The following PLCH2 variants were observed in gnomAD, a reference collection of about 807,000 sequenced individuals.
PLCH2 encodes the protein 1-phosphatidylinositol 4,5-bisphosphate phosphodiesterase eta-2.
PLCH2 carries 98 observed loss-of-function variants against 134.7 expected under a neutral mutation model. That is an observed-to-expected ratio of 0.73 (90% CI 0.62 to 0.86). PLCH2 has a LOEUF of 0.86. Among genes scored for constraint, PLCH2 ranks in the 40% least tolerant of loss-of-function variants. The probability of loss-of-function intolerance (pLI) is 0.00; values close to 1 mark genes in which losing one functional copy is unlikely to be tolerated. For missense variants in PLCH2, 1,994 were observed against 1,986.6 expected (o/e 1.00, Z -0.07); for synonymous variants, 974 against 827.5 (o/e 1.18, Z -3.04).
the PLCH2 span, among the ~76,000 whole-genome samples, chr1:2,417,812 C>T: frequency 6.6e-6 from 1 of 152,324 alleles, no homozygotes; most frequent in South Asian, 2.1e-4. Flanking sequence ...GGGGCTACAG[C>T]CTCTGCGCTG....
chr1:2,463,651 C>G (rs1043574628), upstream of PLCH2, among the ~76,000 whole-genome samples: 3 of 152,206 alleles, frequency 2.0e-5, no homozygotes, highest in Non-Finnish European at 2.9e-5. Context: ...GGTCAGAGCC[C>G]GCGACCCGAG....
At position 2,483,812 on chromosome 1, in the gene PLCH2, GGT is replaced by G. The variant is rs1345702389; in HGVS notation, c.646-634_646-633del. On this transcript the variant is annotated intron_variant, in intron 4 of 21. Transcript: ENST00000378486. ...GGGGGGGCGCTGACCCCCGTGTGGGGGTGGCGCTGACCCCCGTGTGGGGGTGG... is the reference window on the plus strand; with the variant it reads ...GGGGGGGCGCTGACCCCCGTGTGGGGGGCGCTGACCCCCGTGTGGGGGTGG... Among the ~76,000 whole-genome samples, 12 of 120,186 alleles carry G rather than the reference GGT, an allele frequency of 1.0e-4. 2 individuals are homozygous for G. The highest frequency in any genetic ancestry group is 4.3e-4 in the African/African-American group (12 of 27,996). The allele number at this position is 120,186 out of a possible 152,430, so 78.8% of individuals were successfully genotyped here.
rs1201172301 is a variant in PLCH2, at chr1:2,436,524, CCTTTCCT to C, written c.115+5897_115+5903del. Among the ~76,000 whole-genome samples the C allele has an allele frequency of 4.1e-3, 248 of 61,016 alleles. 25 individuals are homozygous for C. The highest frequency in any genetic ancestry group is 4.5e-3 in the Non-Finnish European group (164 of 36,670). The allele number at this position is 61,016 out of a possible 152,430, so 40.0% of individuals were successfully genotyped here. A position where few individuals can be genotyped will look rare whatever the true frequency, so the allele number is the denominator to read the frequency against. ...CCTCCTTTCCTCCTTCCTCCCTCCT[CCTTTCCT>C]CCTTCCTCCCTCCTCCCTTCCTCCC... On this transcript the variant is annotated intron_variant, in intron 2 of 3. Transcript: ENST00000609981.
chr1:2,495,475 GC>G lies in PLCH2; in HGVS notation c.1753-7del, dbSNP rs761446096. 9 of 1,550,354 alleles carry G rather than the reference GC, an allele frequency of 5.8e-6. No individual in the cohort carries two copies. In the African/African-American group the frequency reaches 9.6e-5, roughly 17 times the overall value. ...CAGAGGCCCTACAGCTCACACCTCT[GC>G]CCCCCGCACAGAAGAAGGGCAGCAA... On this transcript the variant is annotated splice_polypyrimidine_tract_variant and intron_variant, in intron 12 of 21. Coordinates refer to ENST00000378486, the MANE Select transcript of PLCH2 (RefSeq NM_014638.4).
chr1:2,440,379 C>G (rs1439399206), intron 2 of PLCH2, among the ~76,000 whole-genome samples: 1 of 151,032 alleles, frequency 6.6e-6, no homozygotes. Context: ...CACAGTCTGC[C>G]GTGAGAGGAG....
rs1235786484 is a variant in PLCH2, at chr1:2,495,541, T to C, written c.1806T>C (p.Gly602=). ...KAASVEEGDE[G]QDSPGGQSRG... is the part of the protein sequence containing the mutation. The stretch of plus-strand genomic sequence containing the variant: ...CCAGCGTGGAGGAGGGAGATGAGGG[T>C]CAGGACTCCCCGGGAGGCCAGAGCC... The change falls in exon 13 of 22, where the codon GGT becomes GGC. Residue 602 remains glycine, a synonymous_variant. Transcript: ENST00000378486. The C allele has an allele frequency of 6.4e-7, 1 of 1,550,970 alleles. No individual in the cohort carries two copies. The highest frequency in any genetic ancestry group is 1.2e-5 in the South Asian group (1 of 83,956).
intron 2 of PLCH2, among the ~76,000 whole-genome samples, chr1:2,455,499 A>C (rs1395711184): frequency 2.0e-5 from 3 of 152,148 alleles, no homozygotes; most frequent in Non-Finnish European, 4.4e-5. Context: ...AGAAGGGCCT[A>C]CTGGGGGCGC....
At position 2,489,349 on chromosome 1, in the gene PLCH2, C is replaced by T; in HGVS notation, c.1378C>T (p.Gln460Ter). The change falls in exon 9 of 22, where the codon CAG (glutamine) becomes TAG (stop). Residue 460 changes from glutamine to a stop codon, truncating the protein, a stop_gained. Coordinates refer to ENST00000378486, the MANE Select transcript of PLCH2 (RefSeq NM_014638.4). LOFTEE classifies it high-confidence loss of function. ...SEDATTLPSP[Q>*]MLKGKILVKG... ...AGATGCCACCACACTCCCCTCTCCACAGATGCTCAAGGGCAAGATCCTCGT... is the reference window on the plus strand; with the variant it reads ...AGATGCCACCACACTCCCCTCTCCATAGATGCTCAAGGGCAAGATCCTCGT... The T allele has an allele frequency of 6.2e-7, 1 of 1,613,804 alleles. No homozygotes were observed. The highest frequency in any genetic ancestry group is 1.3e-5 in the African/African-American group (1 of 75,060).
At chr1:2,421,359 C>T (rs879895041), upstream of PLCH2, among the ~76,000 whole-genome samples, 13 of 152,272 alleles carry the variant, frequency 8.5e-5, no homozygotes, top group Non-Finnish European at 1.5e-4. Context: ...GTAGCATCTC[C>T]AGTAATCTCA....
intron 2 of PLCH2, among the ~76,000 whole-genome samples, chr1:2,443,270 T>G (rs1639769197): frequency 6.6e-6 from 1 of 152,148 alleles, no homozygotes; most frequent in African/African-American, 2.4e-5. Flanking sequence ...CCCTGACATC[T>G]TAGTTGGGGG....
the PLCH2 span, among the ~76,000 whole-genome samples, chr1:2,418,824 C>T: frequency 6.6e-6 from 1 of 152,222 alleles, no homozygotes; most frequent in African/African-American, 2.4e-5. Context: ...TTGGCTGTCC[C>T]CCTCTCCCTG....
chr1:2,476,451 A>AGGAGGAGGAGGAAGAGGC lies in PLCH2; in HGVS notation c.-137_-120dup. The AGGAGGAGGAGGAAGAGGC allele has an allele frequency of 1.3e-6, 1 of 772,450 alleles. No individual in the cohort carries two copies. Among genetic ancestry groups the AGGAGGAGGAGGAAGAGGC allele is most frequent in the African/African-American group, 1.8e-5 (1 of 56,364 alleles). 47.8% of individuals were successfully genotyped at this position (772,450 alleles called of 1,614,324 possible). ...CCTGTGGGGGCTTCGGAGGGCCCTG[A>AGGAGGAGGAGGAAGAGGC]GGAGGAGGAGGAAGAGGCAGAGGAG... On this transcript the variant is annotated 5_prime_UTR_variant, in exon 1 of 22. Coordinates refer to ENST00000378486, the MANE Select transcript of PLCH2 (RefSeq NM_014638.4).
chr1:2,468,423 C>T (rs1297560218), intron 1 of PLCH2, among the ~76,000 whole-genome samples: 2 of 152,260 alleles, frequency 1.3e-5, no homozygotes, highest in Non-Finnish European at 2.9e-5. Flanking sequence ...CTGTTCACAG[C>T]AGGAGCTTCC....
Position 2,484,536 on chromosome 1 carries a change from A to G in PLCH2, c.734A>G (p.Tyr245Cys). 6.2e-7 allele frequency: 1 copy of G among 1,613,244 alleles called. No individual in the cohort carries two copies. The highest frequency in any genetic ancestry group is 8.5e-7 in the Non-Finnish European group (1 of 1,179,800). ...YKMMSTRRDL[Y>C]LLMLTYSNHK... ...ATGATGTCCACCCGCCGGGACCTCTACCTGCTCATGCTGACCTACAGCAAC... is the reference window on the plus strand; with the variant it reads ...ATGATGTCCACCCGCCGGGACCTCTGCCTGCTCATGCTGACCTACAGCAAC... The change falls in exon 5 of 22, where the codon TAC (tyrosine) becomes TGC (cysteine). Residue 245 changes from tyrosine to cysteine, a missense_variant. Tyr to Cys is a radical substitution (Grantham distance 194). Around this residue, in one of 2 missense-constraint regions of PLCH2, gnomAD observed 1,094 missense variants for 1,234.3 expected, o/e 0.89. Transcript: ENST00000378486.
intron 2 of PLCH2, among the ~76,000 whole-genome samples, chr1:2,431,872 C>G (rs751155924): frequency 6.6e-6 from 1 of 152,130 alleles, no homozygotes; most frequent in African/African-American, 2.4e-5. Flanking sequence ...CTGGGAGGCT[C>G]CTTCTTGGTT....
intron 2 of PLCH2, among the ~76,000 whole-genome samples, chr1:2,436,136 CCTCA>C (rs1639339297): frequency 1.5e-5 from 2 of 134,600 alleles, no homozygotes; most frequent in Non-Finnish European, 3.2e-5. Context: ...CTCCCTGCTC[CCTCA>C]TCCCTTCCTC....
chr1:2,427,610 C>G (rs1042017238), intron 1 of PLCH2, among the ~76,000 whole-genome samples: 3 of 152,196 alleles, frequency 2.0e-5, no homozygotes, highest in African/African-American at 7.2e-5. Context: ...TGGCACCCCA[C>G]TTCCTGGGCA....
At position 2,499,071 on chromosome 1, in the gene PLCH2, G is replaced by A. The variant is rs762318680; in HGVS notation, c.2435-13G>A. ...CTCCCCATGGGACACTCCTCCTGGC[G>A]CTGCTTCCCCAGGGTTCAACCCCAC... On this transcript the variant is annotated splice_polypyrimidine_tract_variant and intron_variant, in intron 18 of 21. Transcript: ENST00000378486. The A allele has an allele frequency of 6.5e-5, 104 of 1,604,104 alleles. No individual in the cohort carries two copies. Among genetic ancestry groups the A allele is most frequent in the Admixed American group, 2.0e-4 (12 of 58,890 alleles).
upstream of PLCH2, among the ~76,000 whole-genome samples, chr1:2,423,863 G>A (rs1638642272): frequency 6.6e-6 from 1 of 152,002 alleles, no homozygotes. Flanking sequence ...ATGAGGAGAG[G>A]TCAGAGAGCC....
Sources: gnomAD v4.1 joint callset for allele counts (sites outside exome capture counted in the v4.1 genomes callset) on GRCh38, gnomAD v4.1.1 for gene constraint, gnomAD v4.1.1 regional missense constraint, MANE v1.5 for transcripts, NCBI Gene and HGNC (gene_info 2026-07-23, HGNC 2026-07-21) for gene names.